The following OTOP3 variants were observed in gnomAD, a reference collection of about 807,000 sequenced individuals.
OTOP3 encodes otopetrin 3, also known as proton channel OTOP3.
A neutral mutation model predicts 50.8 loss-of-function variants in OTOP3; 41 were observed. The observed-to-expected ratio is 0.81, with a 90% CI of 0.63 to 1.05. The LOEUF (loss-of-function observed/expected upper bound fraction) is 1.05. Among genes scored for constraint, OTOP3 ranks in the 50% least tolerant of loss-of-function variants. The probability of loss-of-function intolerance (pLI) is 0.00; values close to 1 mark genes in which losing one functional copy is unlikely to be tolerated. For synonymous variants in OTOP3, 320 were observed against 324.4 expected (o/e 0.99, Z 0.14); for missense variants, 788 against 760.8 (o/e 1.04, Z -0.42).
chr17:74,945,569 G>C (rs2144786834), intron 5 of OTOP3, among the ~76,000 whole-genome samples: 1 of 152,244 alleles, frequency 6.6e-6, no homozygotes, highest in East Asian at 1.9e-4. Flanking sequence ...ATTAGATTCA[G>C]GTTAGATATT....
intron 5 of OTOP3, among the ~76,000 whole-genome samples, chr17:74,944,033 G>C (rs1298321823): frequency 6.6e-6 from 1 of 152,178 alleles, no homozygotes; most frequent in Non-Finnish European, 1.5e-5. Flanking sequence ...CCCGCCCGTG[G>C]CATTTGCATT....
chr17:74,935,803 T>C (rs368367098), upstream of OTOP3: 4,046 of 1,512,578 alleles, frequency 2.7e-3, 14 homozygotes, highest in Middle Eastern at 0.021. Flanking sequence ...GAAAAATCGA[T>C]GGGCCGCGGA....
intron 5 of OTOP3, 101 bp downstream of exon 5, chr17:74,943,825 C>G (rs1467486240): frequency 9.9e-7 from 1 of 1,012,246 alleles, no homozygotes; most frequent in South Asian, 1.4e-5. Flanking sequence ...ACAGGTGAGG[C>G]TCAGTAGGTC....
At chr17:74,936,184 C>A (rs1329395047) in intron 1 of OTOP3, among the ~76,000 whole-genome samples, 2 of 150,940 alleles carry the variant, frequency 1.3e-5, no homozygotes, top group Non-Finnish European at 3.0e-5. Context: ...GGCCTCAGGG[C>A]GCGACTCCTC....
Position 74,949,380 on chromosome 17 carries a change from TG to T in OTOP3, c.1702del (p.Val568TrpfsTer29). Reference protein sequence around the residue: ...PLGVFYRMHSVGGLVEVYLGA With the variant: ...PLGVFYRMHSXGGLVEVYLGA ...TGGGGGTCTTCTACCGCATGCACTC[TG>T]TGGGAGGCCTGGTGGAGGTCTACCT... On this transcript the variant is annotated frameshift_variant, in exon 7 of 7. Transcript: ENST00000328801. LOFTEE classifies it high-confidence loss of function. 1.2e-6 allele frequency: 2 copies of T among 1,613,692 alleles called. No homozygotes were observed. The highest frequency in any genetic ancestry group is 1.7e-6 in the Non-Finnish European group (2 of 1,179,944).
At position 74,943,364 on chromosome 17, in the gene OTOP3, C is replaced by T. The variant is rs1182780528; in HGVS notation, c.632+20C>T. ...CACTAGGTAAGACTTCTCTCCCTCC[C>T]AAACCCTCTGGCCTCTCTGTCCTCC... On this transcript the variant is annotated intron_variant, in intron 4 of 6. Coordinates refer to ENST00000328801, the MANE Select transcript of OTOP3 (RefSeq NM_001272005.2). 6.2e-7 allele frequency: 1 copy of T among 1,610,554 alleles called. No individual in the cohort carries two copies. The highest frequency in any genetic ancestry group is 8.5e-7 in the Non-Finnish European group (1 of 1,176,754).
At chr17:74,938,665 G>C (rs764963196) in intron 1 of OTOP3, among the ~76,000 whole-genome samples, 8 of 152,142 alleles carry the variant, frequency 5.3e-5, no homozygotes, top group Non-Finnish European at 7.4e-5. Context: ...CTCTGCCTTG[G>C]GCAGAGAACC....
chr17:74,949,298 A>G lies in OTOP3; in HGVS notation c.1619A>G (p.Glu540Gly). 1 of 1,614,078 alleles carries G rather than the reference A, an allele frequency of 6.2e-7. No individual in the cohort carries two copies. Among genetic ancestry groups the G allele is most frequent in the Non-Finnish European group, 8.5e-7 (1 of 1,179,986 alleles). ...GIHPEFENGL[E>G]KDFYGYQIWF... ...CACCCGGAGTTTGAGAACGGGCTAG[A>G]AAAGGATTTCTACGGCTACCAGATA... The change falls in exon 7 of 7, where the codon GAA (glutamate) becomes GGA (glycine). Residue 540 changes from glutamate to glycine, a missense_variant. Physicochemically the swap from Glu to Gly is moderately conservative, Grantham distance 98. Coordinates refer to ENST00000328801, the MANE Select transcript of OTOP3 (RefSeq NM_001272005.2).
At chr17:74,940,395 C>T (rs1469300088) in intron 1 of OTOP3, among the ~76,000 whole-genome samples, 1 of 152,096 alleles carries the variant, frequency 6.6e-6, no homozygotes, top group Non-Finnish European at 1.5e-5. Context: ...ACTCCCAATC[C>T]CAGTACTCTC....
chr17:74,938,692 C>T (rs140447097), intron 1 of OTOP3, among the ~76,000 whole-genome samples: 2 of 152,258 alleles, frequency 1.3e-5, no homozygotes, highest in African/African-American at 4.8e-5. Flanking sequence ...CTTGTCCAGG[C>T]CCATACTAAT....
intron 1 of OTOP3, among the ~76,000 whole-genome samples, chr17:74,938,837 CA>C (rs1334922554): frequency 6.6e-6 from 1 of 151,902 alleles, no homozygotes; most frequent in Non-Finnish European, 1.5e-5. Context: ...TCCAAGAGAG[CA>C]AGGAAGGGGG....
chr17:74,947,633 A>G (rs987029208), intron 6 of OTOP3, among the ~76,000 whole-genome samples, 158 bp downstream of exon 6: 1 of 152,234 alleles, frequency 6.6e-6, no homozygotes, highest in Non-Finnish European at 1.5e-5. Flanking sequence ...CCTGGCACAA[A>G]TGAATGTGCC....
intron 1 of OTOP3, among the ~76,000 whole-genome samples, chr17:74,941,099 A>G (rs2144780898): frequency 6.6e-6 from 1 of 152,308 alleles, no homozygotes; most frequent in South Asian, 2.1e-4. Context: ...TGACTTTAGG[A>G]TCAGGCACAA....
chr17:74,939,474 G>T (rs1410087963), intron 1 of OTOP3, among the ~76,000 whole-genome samples: 5 of 152,080 alleles, frequency 3.3e-5, no homozygotes, highest in Non-Finnish European at 7.4e-5. Flanking sequence ...CCCACCAGGA[G>T]AGCACCCAGA....
At chr17:74,939,044 C>T (rs2039145945) in intron 1 of OTOP3, among the ~76,000 whole-genome samples, 2 of 151,950 alleles carry the variant, frequency 1.3e-5, no homozygotes, top group Admixed American at 1.3e-4. Flanking sequence ...GGTGGTGGCA[C>T]ATGCCTGTAG....
At position 74,949,322 on chromosome 17, in the gene OTOP3, T is replaced by C; in HGVS notation, c.1643T>C (p.Ile548Thr). 6.2e-7 allele frequency: 1 copy of C among 1,614,044 alleles called. No homozygotes were observed. Among genetic ancestry groups the C allele is most frequent in the Non-Finnish European group, 8.5e-7 (1 of 1,179,994 alleles). The change falls in exon 7 of 7, where the codon ATA becomes ACA. Residue 548 changes from isoleucine to threonine, a missense_variant. Coordinates refer to ENST00000328801, the MANE Select transcript of OTOP3 (RefSeq NM_001272005.2). ...GLEKDFYGYQ[I>T]WFAIVNFGLP... ...GAAAAGGATTTCTACGGCTACCAGA[T>C]ATGGTTCGCCATCGTCAACTTCGGC...
intron 6 of OTOP3, among the ~76,000 whole-genome samples, chr17:74,947,958 T>C (rs1437321051): frequency 2.0e-5 from 3 of 152,306 alleles, no homozygotes; most frequent in Admixed American, 6.5e-5. Flanking sequence ...GCTTAGGTTA[T>C]TGTACCTGCC....
At position 74,947,166 on chromosome 17, in the gene OTOP3, T is replaced by C. The variant is rs772701429; in HGVS notation, c.1257T>C (p.Ile419=). Reference sequence around the variant, plus strand: ...TCGCCTATTTCTCCATCGTGGCCATTGTGGCCAAGCGCCCGCATGAGCTGC... The same window carrying C: ...TCGCCTATTTCTCCATCGTGGCCATCGTGGCCAAGCGCCCGCATGAGCTGC... The part of the protein sequence containing the change: ...MGIAYFSIVA[I]VAKRPHELLN... Residue 419 remains isoleucine, a synonymous_variant, in exon 6 of 7, where the codon ATT becomes ATC. Coordinates refer to ENST00000328801, the MANE Select transcript of OTOP3 (RefSeq NM_001272005.2). 12 of 1,613,932 alleles carry C rather than the reference T, an allele frequency of 7.4e-6. No individual in the cohort carries two copies. The highest frequency in any genetic ancestry group is 1.7e-5 in the Admixed American group (1 of 60,012).
At chr17:74,946,280 G>A (rs550128363) in intron 5 of OTOP3, among the ~76,000 whole-genome samples, 1 of 152,104 alleles carries the variant, frequency 6.6e-6, no homozygotes, top group South Asian at 2.1e-4. Context: ...ACCTGGCCAT[G>A]TTTTTTATTT....
Sources: allele counts gnomAD v4.1 joint callset (sites outside exome capture counted in the v4.1 genomes callset), GRCh38; gene constraint gnomAD v4.1.1; transcripts MANE v1.5; gene names NCBI Gene and HGNC (gene_info 2026-07-23, HGNC 2026-07-21).